The following HS3ST4 variants were observed in gnomAD, a reference collection of about 807,000 sequenced individuals.
HS3ST4 encodes heparan sulfate-glucosamine 3-sulfotransferase 4.
HS3ST4 carries 17 observed loss-of-function variants against 29.2 expected under a neutral mutation model. The ratio of observed to expected loss-of-function variants is 0.58; its 90% CI spans 0.40 to 0.87. HS3ST4 has a LOEUF of 0.87. Ranked by LOEUF, HS3ST4 falls within the 40% of genes least tolerant of loss-of-function variation. HS3ST4 has a pLI of 0.00. For missense variants in HS3ST4, 627 were observed against 634.5 expected (o/e 0.99, Z 0.13); for synonymous variants, 314 against 285.7 (o/e 1.10, Z -1.00).
At chr16:25,870,332 G>A (rs1190678187) in intron 1 of HS3ST4, among the ~76,000 whole-genome samples, 1 of 152,148 alleles carries the variant, frequency 6.6e-6, no homozygotes, top group Non-Finnish European at 1.5e-5. Flanking sequence ...GTTAAGGATG[G>A]ATGGACAATA....
intron 1 of HS3ST4, among the ~76,000 whole-genome samples, chr16:25,754,935 A>G (rs2141603477): frequency 6.6e-6 from 1 of 151,772 alleles, no homozygotes; most frequent in South Asian, 2.1e-4. Context: ...TCATCCACCC[A>G]TCTGCCTATC....
chr16:25,832,678 G>A (rs758739421), intron 1 of HS3ST4, among the ~76,000 whole-genome samples: 3 of 152,076 alleles, frequency 2.0e-5, no homozygotes, highest in Non-Finnish European at 2.9e-5. Context: ...ATGCAGCCTC[G>A]ACATTAGCAT....
chr16:25,755,925 T>A (rs1207907002), intron 1 of HS3ST4, among the ~76,000 whole-genome samples: 1 of 152,166 alleles, frequency 6.6e-6, no homozygotes, highest in Non-Finnish European at 1.5e-5. Flanking sequence ...AAATATTTCC[T>A]TGACTTATGT....
Position 26,120,052 on chromosome 16 carries a change from A to AGTGTGTGT in HS3ST4, c.735-15549_735-15542dup, listed in dbSNP as rs35643541. 6.3e-3 allele frequency among the ~76,000 whole-genome samples: 835 copies of AGTGTGTGT among 131,534 alleles called. 8 individuals are homozygous for AGTGTGTGT. Among genetic ancestry groups the AGTGTGTGT allele is most frequent in the African/African-American group, 0.02 (747 of 37,134 alleles). The allele number at this position is 131,534 out of a possible 152,430, so 86.3% of individuals were successfully genotyped here. A position where few individuals can be genotyped will look rare whatever the true frequency, so the allele number is the denominator to read the frequency against. ...GCCTATTATGGGAAGAGCTGAAGGA[A>AGTGTGTGT]GTGTGTGTGTGTGTGTGTATGTGTG... is the stretch of plus-strand genomic sequence containing the variant. On this transcript the variant is annotated intron_variant, in intron 1 of 1. Transcript: ENST00000331351.
chr16:25,954,835 C>T (rs1242344307), intron 1 of HS3ST4, among the ~76,000 whole-genome samples: 1 of 152,158 alleles, frequency 6.6e-6, no homozygotes, highest in African/African-American at 2.4e-5. Context: ...TATTTCTTGT[C>T]CCAATCATTT....
At chr16:26,073,306 T>C (rs1056916947) in intron 1 of HS3ST4, among the ~76,000 whole-genome samples, 4 of 152,190 alleles carry the variant, frequency 2.6e-5, no homozygotes, top group African/African-American at 7.2e-5. Flanking sequence ...TCTTGAAAAC[T>C]TTTTCAGATT....
intron 1 of HS3ST4, among the ~76,000 whole-genome samples, chr16:25,867,040 G>A (rs542353498): frequency 2.0e-4 from 31 of 152,240 alleles, no homozygotes; most frequent in Non-Finnish European, 4.1e-4. Context: ...GGAAGGGTGG[G>A]CCTGAATCTT....
chr16:26,101,432 C>A (rs551456561), intron 1 of HS3ST4, among the ~76,000 whole-genome samples: 2 of 152,340 alleles, frequency 1.3e-5, no homozygotes, highest in South Asian at 4.1e-4. Context: ...CCACCACATT[C>A]CTGCCACCAC....
chr16:25,990,750 C>T (rs1969107034), intron 1 of HS3ST4, among the ~76,000 whole-genome samples: 1 of 152,160 alleles, frequency 6.6e-6, no homozygotes, highest in African/African-American at 2.4e-5. Context: ...TCAATTCAAA[C>T]CCAAATCTGC....
chr16:26,047,580 A>G (rs1390714451), intron 1 of HS3ST4, among the ~76,000 whole-genome samples: 1 of 152,192 alleles, frequency 6.6e-6, no homozygotes, highest in African/African-American at 2.4e-5. Context: ...GAGAGCTCAG[A>G]GTGCTTAAGA....
intron 1 of HS3ST4, among the ~76,000 whole-genome samples, chr16:25,977,904 G>C (rs1219688558): frequency 4.6e-5 from 7 of 152,106 alleles, no homozygotes; most frequent in Non-Finnish European, 5.9e-5. Flanking sequence ...CCCTCAGCTG[G>C]AGATCTTTCT....
At chr16:25,737,880 GA>G (rs1966621118) in intron 1 of HS3ST4, among the ~76,000 whole-genome samples, 1 of 151,516 alleles carries the variant, frequency 6.6e-6, no homozygotes, top group African/African-American at 2.4e-5. Flanking sequence ...ATATTGTGAG[GA>G]AACCATGTAG....
At chr16:26,059,851 C>T (rs547856521) in intron 1 of HS3ST4, among the ~76,000 whole-genome samples, 19 of 152,206 alleles carry the variant, frequency 1.2e-4, no homozygotes, top group African/African-American at 2.9e-4. Flanking sequence ...AATCTTGGCT[C>T]GCTGCAACCT....
intron 1 of HS3ST4, among the ~76,000 whole-genome samples, chr16:25,720,180 A>G (rs534621292): frequency 8.0e-4 from 122 of 152,212 alleles, no homozygotes; most frequent in Non-Finnish European, 1.7e-3. Context: ...TCATGTGGAA[A>G]TCTGGAAGAA....
At chr16:25,847,408 G>A (rs939422219) in intron 1 of HS3ST4, among the ~76,000 whole-genome samples, 1 of 152,114 alleles carries the variant, frequency 6.6e-6, no homozygotes, top group Non-Finnish European at 1.5e-5. Flanking sequence ...AGTAGTTTTT[G>A]TTGGGTCAAG....
intron 1 of HS3ST4, among the ~76,000 whole-genome samples, chr16:26,091,284 A>G (rs964154973): frequency 6.6e-6 from 1 of 152,160 alleles, no homozygotes; most frequent in African/African-American, 2.4e-5. Flanking sequence ...TATAACTTTA[A>G]TGCATGTGAT....
At chr16:26,060,341 CATTA>C (rs1898460515) in intron 1 of HS3ST4, among the ~76,000 whole-genome samples, 1 of 152,182 alleles carries the variant, frequency 6.6e-6, no homozygotes, top group Admixed American at 6.5e-5. Flanking sequence ...AGTAAGGATA[CATTA>C]ATTGAAAGCT....
At chr16:26,076,832 C>A (rs1293588805) in intron 1 of HS3ST4, among the ~76,000 whole-genome samples, 1 of 152,202 alleles carries the variant, frequency 6.6e-6, no homozygotes, top group African/African-American at 2.4e-5. Flanking sequence ...TGCATTCATG[C>A]ACATTTTCTT....
intron 1 of HS3ST4, among the ~76,000 whole-genome samples, chr16:25,712,132 A>G (rs1966419458): frequency 6.6e-6 from 1 of 152,196 alleles, no homozygotes; most frequent in African/African-American, 2.4e-5. Context: ...AGCTGGGAAA[A>G]CAGTAATATA....
Sources: allele counts gnomAD v4.1 joint callset (sites outside exome capture counted in the v4.1 genomes callset), GRCh38; gene constraint gnomAD v4.1.1; transcripts MANE v1.5; gene names NCBI Gene and HGNC (gene_info 2026-07-23, HGNC 2026-07-21).